The following ROBO2 variants were observed in gnomAD, a reference collection of about 807,000 sequenced individuals.
ROBO2 encodes the protein roundabout homolog 2.
In ROBO2, 53 loss-of-function variants were observed where a neutral mutation model predicts 160.8. The ratio of observed to expected loss-of-function variants is 0.33; its 90% CI spans 0.26 to 0.41. The LOEUF is 0.41. ROBO2 is among the 10% of genes least tolerant of loss of function. The pLI is 1.00. For synonymous variants in ROBO2, 664 were observed against 611.7 expected, an observed-to-expected ratio of 1.09 and a Z score of -1.26; for missense variants, 1,577 against 1,722.4, an observed-to-expected ratio of 0.92 and a Z score of 1.49.
intron 2 of ROBO2, among the ~76,000 whole-genome samples, chr3:77,185,875 G>T (rs960223350): frequency 6.6e-6 from 1 of 151,908 alleles, no homozygotes; most frequent in Non-Finnish European, 1.5e-5. Flanking sequence ...AATAGCATTT[G>T]CAGCAACCTG....
intron 2 of ROBO2, among the ~76,000 whole-genome samples, chr3:77,109,578 C>T (rs2150165896): frequency 6.6e-6 from 1 of 152,272 alleles, no homozygotes; most frequent in African/African-American, 2.4e-5. Flanking sequence ...GAATGTGGAA[C>T]AGGTGAAATG....
At chr3:77,401,313 G>A (rs555017956) in intron 2 of ROBO2, among the ~76,000 whole-genome samples, 51 of 151,438 alleles carry the variant, frequency 3.4e-4, no homozygotes, top group Middle Eastern at 6.9e-3. Context: ...AAGGCAAGAG[G>A]ATTTTGTTTA....
intron 2 of ROBO2, among the ~76,000 whole-genome samples, chr3:76,849,708 A>T (rs1212706901): frequency 6.6e-6 from 1 of 152,220 alleles, no homozygotes; most frequent in Non-Finnish European, 1.5e-5. Context: ...GAGAGTGATG[A>T]ATTAATGTAT....
intron 1 of ROBO2, among the ~76,000 whole-genome samples, chr3:77,046,717 C>T (rs1328085376): frequency 6.6e-6 from 1 of 152,118 alleles, no homozygotes; most frequent in Non-Finnish European, 1.5e-5. Flanking sequence ...AACAAGAATT[C>T]CAGGCTCTTG....
intron 2 of ROBO2, among the ~76,000 whole-genome samples, chr3:76,376,828 G>T (rs1300912368): frequency 6.6e-6 from 1 of 152,084 alleles, no homozygotes; most frequent in African/African-American, 2.4e-5. Flanking sequence ...ATGTTGAGGA[G>T]GATTTTAGCT....
At chr3:76,855,962 C>G (rs2070022341) in intron 2 of ROBO2, among the ~76,000 whole-genome samples, 1 of 152,184 alleles carries the variant, frequency 6.6e-6, no homozygotes, top group African/African-American at 2.4e-5. Context: ...TTTACCCATG[C>G]TGAGCATTTC....
intron 2 of ROBO2, among the ~76,000 whole-genome samples, chr3:77,340,583 A>C (rs1275029188): frequency 6.6e-6 from 1 of 152,154 alleles, no homozygotes; most frequent in East Asian, 1.9e-4. Context: ...TATAATTCAG[A>C]TCTTTTTCAT....
chr3:76,513,217 G>A (rs1359522362), intron 2 of ROBO2, among the ~76,000 whole-genome samples: 2 of 152,130 alleles, frequency 1.3e-5, no homozygotes, highest in African/African-American at 4.8e-5. Context: ...ATGGTGATGA[G>A]GCAGGCCACA....
At chr3:76,217,936 C>T (rs947372597) in intron 2 of ROBO2, among the ~76,000 whole-genome samples, 2 of 152,142 alleles carry the variant, frequency 1.3e-5, no homozygotes, top group Admixed American at 1.3e-4. Context: ...AAACCGAATC[C>T]AGCAACACAT....
At chr3:76,143,010 C>T (rs939336845) in intron 2 of ROBO2, among the ~76,000 whole-genome samples, 2 of 151,488 alleles carry the variant, frequency 1.3e-5, no homozygotes, top group Non-Finnish European at 2.9e-5. Flanking sequence ...TTATGATGTG[C>T]TCTGGATGGG....
At chr3:77,063,917 A>C (rs2066576965) in intron 1 of ROBO2, among the ~76,000 whole-genome samples, 1 of 152,306 alleles carries the variant, frequency 6.6e-6, no homozygotes, top group African/African-American at 2.4e-5. Context: ...GCAATTGCCT[A>C]TCTATCCTTG....
intron 2 of ROBO2, among the ~76,000 whole-genome samples, chr3:76,037,736 G>T (rs2067158966): frequency 6.6e-6 from 1 of 151,916 alleles, no homozygotes; most frequent in Non-Finnish European, 1.5e-5. Context: ...TGAAAGAAAA[G>T]AATAAAGTAA....
chr3:76,289,416 A>G (rs1384662087), intron 2 of ROBO2, among the ~76,000 whole-genome samples: 2 of 152,172 alleles, frequency 1.3e-5, no homozygotes, highest in Non-Finnish European at 2.9e-5. Context: ...CAGTGTGCAA[A>G]TATTTTCTCC....
chr3:76,462,606 TA>T (rs61062093), intron 2 of ROBO2, among the ~76,000 whole-genome samples: 17,875 of 134,272 alleles, frequency 0.13, 2,626 homozygotes, highest in African/African-American at 0.37. Context: ...CTTAAAGTAT[TA>T]AAAAAAAAAA....
chr3:76,011,670 T>C (rs768321588), intron 2 of ROBO2, among the ~76,000 whole-genome samples: 40 of 152,102 alleles, frequency 2.6e-4, no homozygotes, highest in Non-Finnish European at 3.8e-4. Context: ...ACTTAAATAT[T>C]GGGGATAAAT....
chr3:76,126,679 A>G (rs1035783432), intron 2 of ROBO2, among the ~76,000 whole-genome samples: 1 of 152,130 alleles, frequency 6.6e-6, no homozygotes, highest in Non-Finnish European at 1.5e-5. Context: ...TAGAATTCCT[A>G]TATTCTATGG....
At chr3:77,134,641 A>G (rs887072537) in intron 2 of ROBO2, among the ~76,000 whole-genome samples, 1 of 152,194 alleles carries the variant, frequency 6.6e-6, no homozygotes, top group Non-Finnish European at 1.5e-5. Context: ...TTACCTGTCA[A>G]CACTTCTGAA....
chr3:76,990,132 C>T (rs564382469), intron 2 of ROBO2, among the ~76,000 whole-genome samples: 1 of 152,092 alleles, frequency 6.6e-6, no homozygotes, highest in Non-Finnish European at 1.5e-5. Flanking sequence ...AAATGAAAAA[C>T]TAAAATGCAG....
intron 2 of ROBO2, among the ~76,000 whole-genome samples, chr3:76,100,880 T>C (rs761759179): frequency 7.2e-5 from 11 of 152,204 alleles, no homozygotes; most frequent in Non-Finnish European, 1.5e-4. Flanking sequence ...TATGTGCCTA[T>C]GATGTACCAA....
Sources: gnomAD v4.1 joint callset for allele counts (sites outside exome capture counted in the v4.1 genomes callset) on GRCh38, gnomAD v4.1.1 for gene constraint, MANE v1.5 for transcripts, NCBI Gene and HGNC (gene_info 2026-07-23, HGNC 2026-07-21) for gene names.